Variants in WSCD1 observed in about 807,000 individuals in gnomAD.
WSCD1 encodes the protein WSC domain sialate O sulfotransferase 1, also known as sialate:O-sulfotransferase 1.
Under a neutral mutation model 60.4 loss-of-function variants are expected in WSCD1, and 41 were observed. The ratio of observed to expected loss-of-function variants is 0.68; its 90% CI spans 0.53 to 0.88. WSCD1 has a LOEUF of 0.88. WSCD1 is among the 40% of genes least tolerant of loss of function. The probability of loss-of-function intolerance (pLI) is 0.00; values close to 1 mark genes in which losing one functional copy is unlikely to be tolerated. For synonymous variants in WSCD1, 361 were observed against 332.5 expected, an observed-to-expected ratio of 1.09 and a Z score of -0.93; for missense variants, 784 against 796.2, an observed-to-expected ratio of 0.98 and a Z score of 0.18.
intron 4 of WSCD1, among the ~76,000 whole-genome samples, chr17:6,091,883 G>A (rs1225644531): frequency 5.3e-5 from 8 of 152,208 alleles, no homozygotes; most frequent in South Asian, 4.1e-4. Flanking sequence ...ACAGCCGGGC[G>A]CGGTGGCTCA....
chr17:6,082,495 C>T (rs1057271056), intron 2 of WSCD1, among the ~76,000 whole-genome samples: 19 of 152,174 alleles, frequency 1.2e-4, no homozygotes, highest in Admixed American at 5.2e-4. Flanking sequence ...TGGATGCCAG[C>T]GTGGGGACAG....
chr17:6,118,075 T>C lies in WSCD1; in HGVS notation c.1262T>C (p.Phe421Ser). 2 of 1,614,240 alleles carry C rather than the reference T, an allele frequency of 1.2e-6. No individual in the cohort carries two copies. The highest frequency in any genetic ancestry group is 1.7e-6 in the Non-Finnish European group (2 of 1,180,044). The change falls in exon 8 of 9, where the codon TTT (phenylalanine) becomes TCT (serine). Residue 421 changes from phenylalanine (F) to serine (S), a missense_variant. Coordinates refer to ENST00000317744, the MANE Select transcript of WSCD1 (RefSeq NM_015253.2). This position sits in a 1 kb window ranked among gnomAD's most constrained non-coding sequence, Gnocchi z 5.8. The stretch of plus-strand genomic sequence containing the variant: ...AGTGGCAGGAGGGAGATTGAGATGT[T>C]TGATTCAGCCATCCTGCTAATCCGG... Reference protein sequence around the residue: ...HESGRREIEMFDSAILLIRNP... With the variant: ...HESGRREIEMSDSAILLIRNP...
At chr17:6,097,536 C>T (rs7214926) in intron 5 of WSCD1, among the ~76,000 whole-genome samples, 5,637 of 152,332 alleles carry the variant, frequency 0.037, 264 homozygotes, top group African/African-American at 0.11. Flanking sequence ...GATTGTCTCA[C>T]GTCGCGACAC....
intron 5 of WSCD1, among the ~76,000 whole-genome samples, 159 bp downstream of exon 5, chr17:6,095,382 G>A (rs1910357178): frequency 6.6e-6 from 1 of 152,228 alleles, no homozygotes; most frequent in Non-Finnish European, 1.5e-5. Context: ...AGGTACCACA[G>A]AGGGAGCCGG....
intron 7 of WSCD1, among the ~76,000 whole-genome samples, chr17:6,114,246 C>A (rs1449090434): frequency 6.6e-6 from 1 of 151,206 alleles, no homozygotes; most frequent in Non-Finnish European, 1.5e-5. Context: ...AAACCAGGCA[C>A]AGAAAGATGA....
chr17:6,079,511 T>TCTGA (rs1909089636), intron 1 of WSCD1, among the ~76,000 whole-genome samples: 2 of 152,198 alleles, frequency 1.3e-5, no homozygotes, highest in African/African-American at 4.8e-5. Context: ...TCAGAGAGCC[T>TCTGA]TCTGCCTTCT....
At chr17:6,094,461 T>A (rs1266294261) in intron 4 of WSCD1, among the ~76,000 whole-genome samples, 1 of 152,166 alleles carries the variant, frequency 6.6e-6, no homozygotes, top group African/African-American at 2.4e-5. Flanking sequence ...CATTGAATTT[T>A]TCACAATATC....
At chr17:6,097,836 C>T (rs1367683819) in intron 5 of WSCD1, among the ~76,000 whole-genome samples, 1 of 152,154 alleles carries the variant, frequency 6.6e-6, no homozygotes, top group Admixed American at 6.5e-5. Context: ...GGCAAGGCAC[C>T]CTCGTAACCC....
Position 6,080,668 on chromosome 17 carries a change from C to A in WSCD1, c.10C>A (p.Pro4Thr), listed in dbSNP as rs370044604. 6.2e-7 allele frequency: 1 copy of A among 1,613,594 alleles called. No individual in the cohort carries two copies. Among genetic ancestry groups the A allele is most frequent in the Non-Finnish European group, 8.5e-7 (1 of 1,179,912 alleles). Residue 4 changes from proline (P) to threonine (T), a missense_variant, in exon 2 of 9, where the codon CCT (proline) becomes ACT (threonine). Coordinates refer to ENST00000317744, the MANE Select transcript of WSCD1 (RefSeq NM_015253.2). The surrounding 1 kb of genome is among the most constrained non-coding windows in gnomAD (Gnocchi z 6.6). MAK[P>T]FFRLQKFLRR... ...CCTGCTGCCCAGGGGCATGGCCAAA[C>A]CTTTCTTCCGACTCCAGAAGTTTCT...
chr17:6,088,315 G>C (rs1358573183), intron 3 of WSCD1, among the ~76,000 whole-genome samples: 1 of 151,738 alleles, frequency 6.6e-6, no homozygotes, highest in Non-Finnish European at 1.5e-5. Flanking sequence ...GGTGCTGAGA[G>C]CTGGGTGACC....
intron 1 of WSCD1, among the ~76,000 whole-genome samples, chr17:6,078,592 G>C (rs187625948): frequency 1.3e-5 from 2 of 152,124 alleles, no homozygotes; most frequent in Non-Finnish European, 1.5e-5. Context: ...GTGTGTGTGC[G>C]TGCATGCATG....
chr17:6,105,720 G>A (rs1567558838), intron 5 of WSCD1, among the ~76,000 whole-genome samples: 2 of 152,224 alleles, frequency 1.3e-5, no homozygotes, highest in Non-Finnish European at 2.9e-5. Context: ...CCAGTCCTGG[G>A]ATATAAGATT....
At position 6,101,538 on chromosome 17, in the gene WSCD1, C is replaced by T. The variant is rs10775385; in HGVS notation, c.849+6315C>T. On this transcript the variant is annotated intron_variant, in intron 5 of 8. Transcript: ENST00000317744. This position sits in a 1 kb window ranked among gnomAD's most constrained non-coding sequence, Gnocchi z 4.1. The stretch of plus-strand genomic sequence containing the variant: ...AAAATGTCTACTGTTTTTGCTAGTT[C>T]GCGAAAATGGATTTGGGGAGATCCA... Among the ~76,000 whole-genome samples the T allele has an allele frequency of 0.1, 15,371 of 151,992 alleles. 912 individuals carry two copies. The highest frequency in any genetic ancestry group is 0.19 in the East Asian group (988 of 5,152).
At chr17:6,071,567 C>T (rs2150523191) in intron 1 of WSCD1, among the ~76,000 whole-genome samples, 1 of 152,364 alleles carries the variant, frequency 6.6e-6, no homozygotes, top group East Asian at 1.9e-4. Flanking sequence ...ATACCCGCAT[C>T]CCTCTTGTTG....
At chr17:6,072,260 A>G (rs755662513) in intron 1 of WSCD1, among the ~76,000 whole-genome samples, 1 of 152,248 alleles carries the variant, frequency 6.6e-6, no homozygotes, top group Non-Finnish European at 1.5e-5. Context: ...ACCGAGCAGA[A>G]GTGGATATTC....
intron 7 of WSCD1, among the ~76,000 whole-genome samples, chr17:6,112,012 G>T (rs946852670): frequency 1.3e-5 from 2 of 152,150 alleles, no homozygotes; most frequent in African/African-American, 4.8e-5. Flanking sequence ...GATCTAGTCT[G>T]TTACAAAAGC....
chr17:6,121,741 G>C lies in WSCD1; in HGVS notation c.*1080G>C, dbSNP rs1471518566. 7.3e-6 allele frequency: 1 copy of C among 136,618 alleles called. No individual in the cohort carries two copies. Among genetic ancestry groups the C allele is most frequent in the African/African-American group, 2.8e-5 (1 of 35,466 alleles). 8.5% of individuals were successfully genotyped at this position (136,618 alleles called of 1,614,324 possible). On this transcript the variant is annotated 3_prime_UTR_variant, in exon 9 of 9. Coordinates refer to ENST00000317744, the MANE Select transcript of WSCD1 (RefSeq NM_015253.2). ...CCTGTTCTCTCTGGGGTCCCACACT[G>C]GGGTCATGAGAGCTAGTTAGTACTC...
In WSCD1 at chr17:6,110,654, GTTCCCCCATCTA is replaced by G; in HGVS notation, c.1010-114_1010-103del. On this transcript the variant is annotated intron_variant, in intron 6 of 8. Transcript: ENST00000317744. This position sits in a 1 kb window ranked among gnomAD's most constrained non-coding sequence, Gnocchi z 4.8. ...GATCTCTTCCCTTCTTTGGGCCTTG[GTTCCCCCATCTA>G]TTAAATGGGAGTCTTCGTTCATCAG... is the stretch of plus-strand genomic sequence containing the variant. 3.0e-6 allele frequency: 4 copies of G among 1,349,038 alleles called. No individual in the cohort carries two copies. The highest frequency in any genetic ancestry group is 3.0e-6 in the Non-Finnish European group (3 of 983,648). 83.6% of individuals were successfully genotyped at this position (1,349,038 alleles called of 1,614,324 possible).
Position 6,099,805 on chromosome 17 carries a change from C to T in WSCD1, c.849+4582C>T, listed in dbSNP as rs146653238. ...TAAGCAGCCACTTTTCCGCTGCACA[C>T]GGGGTTTTCTCTTTGTTCAAATCCC... is the stretch of plus-strand genomic sequence containing the variant. On this transcript the variant is annotated intron_variant, in intron 5 of 8. Coordinates refer to ENST00000317744, the MANE Select transcript of WSCD1 (RefSeq NM_015253.2). 5.3e-5 allele frequency among the ~76,000 whole-genome samples: 8 copies of T among 152,318 alleles called. No individual in the cohort carries two copies. In the East Asian group the frequency reaches 9.6e-4, roughly 18 times the overall value.
Sources: gnomAD v4.1 joint callset for allele counts (sites outside exome capture counted in the v4.1 genomes callset) on GRCh38, gnomAD v4.1.1 for gene constraint, Gnocchi (gnomAD v3.1) non-coding constraint, MANE v1.5 for transcripts, NCBI Gene and HGNC (gene_info 2026-07-23, HGNC 2026-07-21) for gene names.